TMEM117: variants seen among roughly 807,000 people sequenced by gnomAD.
The protein encoded by TMEM117 is transmembrane protein 117.
TMEM117 carries 27 observed loss-of-function variants against 52.4 expected under a neutral mutation model. That is an observed-to-expected ratio of 0.51 (90% CI 0.38 to 0.71). TMEM117 has a LOEUF of 0.71. TMEM117 is among the 30% of genes least tolerant of loss of function. The pLI is 0.00. For synonymous variants in TMEM117, 215 were observed against 206.3 expected (o/e 1.04, Z -0.36); for missense variants, 556 against 630.5 (o/e 0.88, Z 1.26).
intron 3 of TMEM117, among the ~76,000 whole-genome samples, chr12:43,970,348 G>T (rs956780406): frequency 1.3e-5 from 2 of 151,840 alleles, no homozygotes; most frequent in Non-Finnish European, 2.9e-5. Context: ...GAGTGCAGTG[G>T]CTCCATCTCG....
chr12:44,304,754 C>A (rs1950883542), intron 6 of TMEM117, among the ~76,000 whole-genome samples: 1 of 152,148 alleles, frequency 6.6e-6, no homozygotes. Context: ...TCAGTCCTGG[C>A]AAGATTAATC....
At chr12:44,180,518 A>C (rs1348584461) in intron 4 of TMEM117, among the ~76,000 whole-genome samples, 3 of 90,248 alleles carry the variant, frequency 3.3e-5, no homozygotes, top group African/African-American at 9.1e-5. Flanking sequence ...CCCACCCCAC[A>C]ACAGTCCCCA....
At chr12:44,096,094 G>A (rs1947756035) in intron 3 of TMEM117, among the ~76,000 whole-genome samples, 1 of 152,026 alleles carries the variant, frequency 6.6e-6, no homozygotes, top group Admixed American at 6.6e-5. Flanking sequence ...GCCAAATCAC[G>A]AGTGAACTCC....
upstream of TMEM117, among the ~76,000 whole-genome samples, chr12:43,834,472 G>C (rs936084998): frequency 1.9e-4 from 29 of 152,124 alleles, no homozygotes; most frequent in African/African-American, 7.0e-4. Context: ...TTGCAAAAAA[G>C]AACAACAAAA....
At chr12:44,246,227 T>C (rs1950127854) in intron 5 of TMEM117, among the ~76,000 whole-genome samples, 1 of 152,198 alleles carries the variant, frequency 6.6e-6, no homozygotes, top group South Asian at 2.1e-4. Flanking sequence ...GTAAAAGATC[T>C]TAAGAAACAT....
intron 4 of TMEM117, among the ~76,000 whole-genome samples, chr12:44,163,264 G>T (rs915576291): frequency 3.3e-5 from 5 of 152,100 alleles, no homozygotes; most frequent in African/African-American, 9.7e-5. Flanking sequence ...GCCCACTGAG[G>T]CTTTTCAGAC....
intron 3 of TMEM117, among the ~76,000 whole-genome samples, chr12:44,034,960 T>C (rs1160588517): frequency 6.6e-6 from 1 of 152,220 alleles, no homozygotes; most frequent in Non-Finnish European, 1.5e-5. Context: ...AATTTGCCCC[T>C]GTTGCTTCTC....
chr12:44,001,872 TG>T (rs1185961183), intron 3 of TMEM117, among the ~76,000 whole-genome samples: 1 of 152,166 alleles, frequency 6.6e-6, no homozygotes, highest in African/African-American at 2.4e-5. Flanking sequence ...AATCTCAAGC[TG>T]GGATGTTTTG....
the TMEM117 span, among the ~76,000 whole-genome samples, chr12:43,822,504 G>A: frequency 6.9e-6 from 1 of 145,434 alleles, no homozygotes; most frequent in African/African-American, 2.5e-5. Flanking sequence ...TTTAGATAGA[G>A]TCTCACTTTG....
chr12:44,310,611 C>T (rs1950962059), intron 6 of TMEM117, among the ~76,000 whole-genome samples: 1 of 152,194 alleles, frequency 6.6e-6, no homozygotes, highest in Non-Finnish European at 1.5e-5. Flanking sequence ...GCACTCCAGC[C>T]TGAGCAACAA....
chr12:43,977,542 G>A (rs1945692351), intron 3 of TMEM117, among the ~76,000 whole-genome samples: 2 of 152,154 alleles, frequency 1.3e-5, no homozygotes, highest in African/African-American at 2.4e-5. Flanking sequence ...TTTTAGCAAA[G>A]TGCTTTTCTA....
At chr12:44,095,931 C>T (rs1947752179) in intron 3 of TMEM117, among the ~76,000 whole-genome samples, 1 of 152,138 alleles carries the variant, frequency 6.6e-6, no homozygotes, top group African/African-American at 2.4e-5. Context: ...CAAATTGTCC[C>T]TGTTTGTAGA....
intron 6 of TMEM117, among the ~76,000 whole-genome samples, chr12:44,308,093 T>G (rs1950926287): frequency 6.6e-6 from 1 of 152,136 alleles, no homozygotes; most frequent in African/African-American, 2.4e-5. Flanking sequence ...ATTATAAGAT[T>G]TGGTTAAGTA....
chr12:44,045,476 G>A (rs1054830476), intron 3 of TMEM117, among the ~76,000 whole-genome samples: 2 of 152,154 alleles, frequency 1.3e-5, no homozygotes, highest in Non-Finnish European at 2.9e-5. Context: ...GTGGACTCAC[G>A]GAATGCCTTA....
intron 3 of TMEM117, among the ~76,000 whole-genome samples, chr12:44,054,659 G>A (rs1947023767): frequency 6.6e-6 from 1 of 150,826 alleles, no homozygotes; most frequent in Non-Finnish European, 1.5e-5. Flanking sequence ...TTGTTAGGTT[G>A]TATGTGACAA....
the TMEM117 span, among the ~76,000 whole-genome samples, chr12:43,824,225 T>C: frequency 6.6e-6 from 1 of 152,240 alleles, no homozygotes; most frequent in African/African-American, 2.4e-5. Flanking sequence ...GGAGGCTCTC[T>C]GGTCAAACGA....
chr12:44,018,022 A>G (rs965589388), intron 3 of TMEM117, among the ~76,000 whole-genome samples: 9 of 152,202 alleles, frequency 5.9e-5, no homozygotes, highest in Admixed American at 1.3e-4. Context: ...TCTAGTTGGT[A>G]CATCATGCAT....
intron 4 of TMEM117, among the ~76,000 whole-genome samples, chr12:44,186,670 A>G (rs1042172867): frequency 2.6e-5 from 4 of 152,162 alleles, no homozygotes; most frequent in Non-Finnish European, 4.4e-5. Flanking sequence ...ACCACATGGT[A>G]TATCCTGGAA....
intron 2 of TMEM117, among the ~76,000 whole-genome samples, chr12:43,920,044 C>T (rs943622695): frequency 3.3e-5 from 5 of 151,992 alleles, no homozygotes; most frequent in African/African-American, 1.2e-4. Context: ...CCCTGTGGCA[C>T]AACCCATGTC....
Sources: allele counts gnomAD v4.1 joint callset (sites outside exome capture counted in the v4.1 genomes callset), GRCh38; gene constraint gnomAD v4.1.1; transcripts MANE v1.5; gene names NCBI Gene and HGNC (gene_info 2026-07-23, HGNC 2026-07-21).